The following HRH1 variants were observed in gnomAD, a reference collection of about 807,000 sequenced individuals.
The protein encoded by HRH1 is histamine H1 receptor.
Under a neutral mutation model 10.3 loss-of-function variants are expected in HRH1, and 6 were observed. The ratio of observed to expected loss-of-function variants is 0.58; its 90% CI spans 0.32 to 1.15. The LOEUF (loss-of-function observed/expected upper bound fraction) is 1.15, where lower values mean the gene tolerates loss of function less well. Among genes scored for constraint, HRH1 ranks in the 50% most tolerant of loss-of-function variants. The pLI is 0.05. For synonymous variants in HRH1, 242 were observed against 236.7 expected (o/e 1.02, Z -0.21); for missense variants, 514 against 615.3 (o/e 0.84, Z 1.74).
intron 1 of HRH1, among the ~76,000 whole-genome samples, chr3:11,189,185 C>T (rs1020151246): frequency 6.6e-6 from 1 of 151,036 alleles, no homozygotes; most frequent in Non-Finnish European, 1.5e-5. Flanking sequence ...TGTGTAGATG[C>T]AACCCCAGAT....
chr3:11,182,200 C>A (rs1472251392), intron 1 of HRH1, among the ~76,000 whole-genome samples: 1 of 151,716 alleles, frequency 6.6e-6, no homozygotes, highest in Non-Finnish European at 1.5e-5. Context: ...CCAGGCTGAT[C>A]TCCAACTCCT....
chr3:11,208,613 T>A (rs1404675236), intron 1 of HRH1, among the ~76,000 whole-genome samples: 1 of 152,274 alleles, frequency 6.6e-6, no homozygotes, highest in Non-Finnish European at 1.5e-5. Flanking sequence ...TCTGCAAGCA[T>A]ACACACCCAT....
At chr3:11,219,039 G>A (rs1005980565) in intron 1 of HRH1, among the ~76,000 whole-genome samples, 7 of 152,008 alleles carry the variant, frequency 4.6e-5, no homozygotes, top group Admixed American at 2.6e-4. Context: ...ACAGGCATAA[G>A]CTACCATGCC....
At chr3:11,206,398 G>A (rs759187125) in intron 1 of HRH1, among the ~76,000 whole-genome samples, 10 of 152,230 alleles carry the variant, frequency 6.6e-5, no homozygotes, top group South Asian at 4.1e-4. Context: ...GATTACAGGC[G>A]TGAGCCACCA....
At chr3:11,165,504 G>C (rs1271270259) in intron 1 of HRH1, among the ~76,000 whole-genome samples, 1 of 152,080 alleles carries the variant, frequency 6.6e-6, no homozygotes, top group African/African-American at 2.4e-5. Flanking sequence ...ACACACACAC[G>C]CAAGAAGAGA....
chr3:11,189,606 A>G (rs1937507747), intron 1 of HRH1, among the ~76,000 whole-genome samples: 1 of 152,074 alleles, frequency 6.6e-6, no homozygotes, highest in Non-Finnish European at 1.5e-5. Flanking sequence ...TATTATGACA[A>G]TTTGAAAACA....
At chr3:11,208,610 G>C (rs565528107) in intron 1 of HRH1, among the ~76,000 whole-genome samples, 1 of 152,314 alleles carries the variant, frequency 6.6e-6, no homozygotes, top group East Asian at 1.9e-4. Context: ...TTTTCTGCAA[G>C]CATACACACC....
At chr3:11,246,070 A>G (rs1939476185) in intron 1 of HRH1, among the ~76,000 whole-genome samples, 1 of 151,890 alleles carries the variant, frequency 6.6e-6, no homozygotes, top group Non-Finnish European at 1.5e-5. Context: ...ACAGACTCTC[A>G]CACACAATCA....
intron 1 of HRH1, among the ~76,000 whole-genome samples, chr3:11,165,170 A>G (rs1937006964): frequency 1.3e-5 from 2 of 152,222 alleles, no homozygotes; most frequent in South Asian, 2.1e-4. Context: ...CAAGGTTGAA[A>G]TGGAGATCCT....
intron 1 of HRH1, among the ~76,000 whole-genome samples, chr3:11,199,183 A>G (rs1260751007): frequency 2.0e-5 from 3 of 152,148 alleles, no homozygotes; most frequent in Non-Finnish European, 2.9e-5. Flanking sequence ...TCAGCCTCCC[A>G]AAGTGCTGGG....
At chr3:11,209,469 T>A (rs1364221991) in intron 1 of HRH1, among the ~76,000 whole-genome samples, 4 of 152,224 alleles carry the variant, frequency 2.6e-5, no homozygotes, top group Non-Finnish European at 4.4e-5. Flanking sequence ...TTTAGTTTGA[T>A]AATAAAACTA....
rs1939979905 is a variant in HRH1, at chr3:11,262,446, T to C, written c.*1945T>C. ...AATGTCTTTTCAAAAGGATTTACTT[T>C]TTGTAAAAAGCTTCATTCTCACTCT... On this transcript the variant is annotated 3_prime_UTR_variant, in exon 2 of 2. Transcript: ENST00000431010. 1 of 167,154 alleles carries C rather than the reference T, an allele frequency of 6.0e-6. No individual in the cohort carries two copies. The allele number at this position is 167,154 out of a possible 1,614,324, so 10.4% of individuals were successfully genotyped here.
At chr3:11,197,401 G>GAACAGGCCTTT (rs1937703756) in intron 1 of HRH1, among the ~76,000 whole-genome samples, 2 of 152,258 alleles carry the variant, frequency 1.3e-5, no homozygotes, top group South Asian at 4.1e-4. Context: ...TACAGGGCCT[G>GAACAGGCCTTT]GCATCTATAG....
chr3:11,184,589 C>G (rs377519871), intron 1 of HRH1, among the ~76,000 whole-genome samples: 2 of 152,002 alleles, frequency 1.3e-5, no homozygotes, highest in African/African-American at 4.8e-5. Flanking sequence ...CCTAACACGC[C>G]GAGATAATGA....
At chr3:11,154,157 T>C (rs1362496286), upstream of HRH1, among the ~76,000 whole-genome samples, 1 of 151,892 alleles carries the variant, frequency 6.6e-6, no homozygotes, top group African/African-American at 2.4e-5. This position sits in a 1 kb window ranked among gnomAD's most constrained non-coding sequence, Gnocchi z 4.4. Context: ...GGGGGTGGAG[T>C]TGTCTCACCA....
chr3:11,195,633 C>G (rs1043883861), intron 1 of HRH1, among the ~76,000 whole-genome samples: 3 of 152,158 alleles, frequency 2.0e-5, no homozygotes, highest in African/African-American at 7.2e-5. Context: ...CTGCTTCTTG[C>G]CCTTTTGAAA....
chr3:11,259,517 T>C lies in HRH1; in HGVS notation c.480T>C (p.Ile160=). 6.2e-7 allele frequency: 1 copy of C among 1,613,962 alleles called. No homozygotes were observed. The highest frequency in any genetic ancestry group is 2.2e-5 in the East Asian group (1 of 44,844). ...GAWFLSFLWV[I]PILGWNHFMQ... ...GGTTTCTCTCTTTTCTGTGGGTTAT[T>C]CCCATTCTAGGCTGGAATCACTTCA... Residue 160 remains isoleucine, a synonymous_variant, in exon 2 of 2, where the codon ATT becomes ATC. Transcript: ENST00000431010. The surrounding 1 kb of genome is among the most constrained non-coding windows in gnomAD (Gnocchi z 4.6).
At chr3:11,229,728 T>C (rs1357153258) in intron 1 of HRH1, among the ~76,000 whole-genome samples, 1 of 152,178 alleles carries the variant, frequency 6.6e-6, no homozygotes, top group Non-Finnish European at 1.5e-5. Context: ...TAAATCACAT[T>C]GTTTTATTGT....
chr3:11,211,944 C>T (rs895475897), intron 1 of HRH1, among the ~76,000 whole-genome samples: 1 of 152,166 alleles, frequency 6.6e-6, no homozygotes, highest in African/African-American at 2.4e-5. Context: ...TCCTCCCAGA[C>T]CTCCTGAATC....
Sources: gnomAD v4.1 joint callset for allele counts (sites outside exome capture counted in the v4.1 genomes callset) on GRCh38, gnomAD v4.1.1 for gene constraint, Gnocchi (gnomAD v3.1) non-coding constraint, MANE v1.5 for transcripts, NCBI Gene and HGNC (gene_info 2026-07-23, HGNC 2026-07-21) for gene names.